Variants in ATF7IP2 observed in about 807,000 individuals in gnomAD.
ATF7IP2 encodes the protein activating transcription factor 7-interacting protein 2.
ATF7IP2 carries 42 observed loss-of-function variants against 64.2 expected under a neutral mutation model. The observed-to-expected ratio is 0.65, with a 90% CI of 0.51 to 0.85. ATF7IP2 has a LOEUF of 0.85. Among genes scored for constraint, ATF7IP2 ranks in the 40% least tolerant of loss-of-function variants. The pLI is 0.00. For missense variants in ATF7IP2, 933 were observed against 784.2 expected, an observed-to-expected ratio of 1.19 and a Z score of -2.27; for synonymous variants, 308 against 272.8, an observed-to-expected ratio of 1.13 and a Z score of -1.27.
At chr16:10,411,843 C>G (rs1247938659) in intron 1 of ATF7IP2, among the ~76,000 whole-genome samples, 1 of 147,920 alleles carries the variant, frequency 6.8e-6, no homozygotes, top group Non-Finnish European at 1.5e-5. Flanking sequence ...CTTGAATGAT[C>G]TTTTATATTT....
intron 1 of ATF7IP2, among the ~76,000 whole-genome samples, chr16:10,409,366 A>G (rs1011810590): frequency 6.6e-6 from 1 of 152,206 alleles, no homozygotes; most frequent in Admixed American, 6.5e-5. Flanking sequence ...TTTGAGAACA[A>G]AGAATAAGGA....
chr16:10,480,837 T>C (rs2050193200), intron 12 of ATF7IP2, 42 bp from the exon 13 acceptor site: 3 of 1,294,928 alleles, frequency 2.3e-6, no homozygotes, highest in South Asian at 2.4e-5. Flanking sequence ...GAATTGATTA[T>C]TGCAGATAAG....
At chr16:10,449,861 T>C (rs1402433252) in intron 8 of ATF7IP2, 1 of 152,206 alleles carries the variant, frequency 6.6e-6, no homozygotes, top group East Asian at 1.9e-4. Flanking sequence ...TCTTGTCTTC[T>C]GCTAGCTTTT....
intron 3 of ATF7IP2, among the ~76,000 whole-genome samples, chr16:10,420,433 C>T (rs1021838146): frequency 1.3e-5 from 2 of 152,202 alleles, no homozygotes; most frequent in Non-Finnish European, 2.9e-5. Context: ...ATGAGGAATG[C>T]ACCATTTGGC....
chr16:10,473,073 T>C (rs2049865110), intron 10 of ATF7IP2, among the ~76,000 whole-genome samples: 1 of 152,146 alleles, frequency 6.6e-6, no homozygotes, highest in African/African-American at 2.4e-5. Flanking sequence ...AGATTGTGAA[T>C]CAGAGAATTA....
chr16:10,410,896 A>G (rs1345776440), intron 1 of ATF7IP2, among the ~76,000 whole-genome samples: 4 of 152,138 alleles, frequency 2.6e-5, no homozygotes, highest in African/African-American at 7.2e-5. Flanking sequence ...TTGTATGCCA[A>G]TTTTGCTGAA....
intron 1 of ATF7IP2, among the ~76,000 whole-genome samples, chr16:10,393,155 C>A (rs2047359661): frequency 6.6e-6 from 1 of 151,690 alleles, no homozygotes; most frequent in Non-Finnish European, 1.5e-5. Flanking sequence ...ACTAAAAATA[C>A]AAGCATTAGC....
chr16:10,404,938 A>G (rs1435406649), intron 1 of ATF7IP2, among the ~76,000 whole-genome samples: 1 of 152,212 alleles, frequency 6.6e-6, no homozygotes, highest in Admixed American at 6.5e-5. Context: ...GGAATTTTAT[A>G]TCCAACTAGA....
At position 10,431,027 on chromosome 16, in the gene ATF7IP2, A is replaced by T; in HGVS notation, c.407A>T (p.Asp136Val). The T allele has an allele frequency of 1.2e-6, 2 of 1,614,202 alleles. No homozygotes were observed. The highest frequency in any genetic ancestry group is 2.2e-5 in the East Asian group (1 of 44,890). The change falls in exon 5 of 14, where the codon GAT (aspartate) becomes GTT (valine). Residue 136 changes from aspartate (D) to valine (V), a missense_variant. By Grantham distance (152) the Asp-to-Val change is radical (BLOSUM62 -3). Coordinates refer to ENST00000562102, the MANE Select transcript of ATF7IP2 (RefSeq NM_001393719.1). The stretch of plus-strand genomic sequence containing the variant: ...AGAGTCTTCACAGAAGAGGCAAAAG[A>T]TTCACTGAACACTTCTGAAAACGAT... ...PSRVFTEEAKDSLNTSENDSE... is the reference protein window; with the variant it reads ...PSRVFTEEAKVSLNTSENDSE...
chr16:10,429,848 T>TTTTTATTTTA (rs1161805607), intron 4 of ATF7IP2, among the ~76,000 whole-genome samples: 1 of 150,248 alleles, frequency 6.7e-6, no homozygotes, highest in East Asian at 1.9e-4. Context: ...TTTTATTTTA[T>TTTTTATTTTA]TTTTATTTTA....
intron 1 of ATF7IP2, among the ~76,000 whole-genome samples, chr16:10,390,809 G>T (rs749579972): frequency 2.0e-5 from 3 of 152,012 alleles, no homozygotes; most frequent in Non-Finnish European, 4.4e-5. Context: ...AAGAGAGACT[G>T]AAAAAATATC....
At chr16:10,398,147 T>TA (rs2047455012) in intron 1 of ATF7IP2, among the ~76,000 whole-genome samples, 2 of 151,558 alleles carry the variant, frequency 1.3e-5, no homozygotes, top group Admixed American at 6.6e-5. Flanking sequence ...CTACTAAAAA[T>TA]ACAAAAATTA....
chr16:10,408,179 G>A (rs550269544), intron 1 of ATF7IP2, among the ~76,000 whole-genome samples: 1 of 152,224 alleles, frequency 6.6e-6, no homozygotes, highest in South Asian at 2.1e-4. Flanking sequence ...CAAAGTGCTG[G>A]GATTGCAGAT....
chr16:10,386,782 C>G (rs2047211675), intron 1 of ATF7IP2: 1 of 152,168 alleles, frequency 6.6e-6, no homozygotes, highest in Middle Eastern at 3.2e-3. Flanking sequence ...TAAGAAAATT[C>G]CATCTTATCG....
chr16:10,432,381 G>C (rs2048285989), intron 5 of ATF7IP2, among the ~76,000 whole-genome samples: 1 of 152,256 alleles, frequency 6.6e-6, no homozygotes, highest in Non-Finnish European at 1.5e-5. Flanking sequence ...CTAGACTACA[G>C]AATGGTCATT....
chr16:10,479,958 C>CTTTTTTTTTTTTTTTTTTTTTTTTTTTTT (rs201158427), intron 12 of ATF7IP2, among the ~76,000 whole-genome samples: 1 of 80,568 alleles, frequency 1.2e-5, no homozygotes, highest in Non-Finnish European at 2.4e-5. Context: ...ACTGGAAATA[C>CTTTTTTTTTTTTTTTTTTTTTTTTTTTTT]TTTTTTTTTT....
At chr16:10,403,732 A>G (rs1474359976) in intron 1 of ATF7IP2, among the ~76,000 whole-genome samples, 2 of 152,330 alleles carry the variant, frequency 1.3e-5, no homozygotes, top group East Asian at 1.9e-4. Flanking sequence ...TAGGATATGA[A>G]TGAGAAATTT....
intron 9 of ATF7IP2, among the ~76,000 whole-genome samples, chr16:10,468,703 G>A (rs1287082963): frequency 2.0e-5 from 3 of 152,170 alleles, no homozygotes; most frequent in South Asian, 2.1e-4. Context: ...TGAAATATTG[G>A]CTGAATACAG....
At position 10,414,603 on chromosome 16, in the gene ATF7IP2, TC is replaced by T. The variant is rs2047832286; in HGVS notation, c.-210del. 7.1e-6 allele frequency: 1 copy of T among 141,092 alleles called. No homozygotes were observed. The highest frequency in any genetic ancestry group is 1.5e-5 in the Non-Finnish European group (1 of 66,312). 8.7% of individuals were successfully genotyped at this position (141,092 alleles called of 1,614,324 possible). A position where few individuals can be genotyped will look rare whatever the true frequency, so the allele number is the denominator to read the frequency against. ...ATCAGGGATTTCTTCTTGGTTTGGATCCACTGCTGGTGAGCTAGTGTGATTG... is the reference window on the plus strand; with the variant it reads ...ATCAGGGATTTCTTCTTGGTTTGGATCACTGCTGGTGAGCTAGTGTGATTG... On this transcript the variant is annotated 5_prime_UTR_variant, in exon 2 of 14. Transcript: ENST00000562102.
Sources: allele counts gnomAD v4.1 joint callset (sites outside exome capture counted in the v4.1 genomes callset), GRCh38; gene constraint gnomAD v4.1.1; transcripts MANE v1.5; gene names NCBI Gene and HGNC (gene_info 2026-07-23, HGNC 2026-07-21).